The following DUSP10 variants were observed in gnomAD, a reference collection of about 807,000 sequenced individuals.
The protein encoded by DUSP10 is dual specificity protein phosphatase 10.
DUSP10 carries 14 observed loss-of-function variants against 30.8 expected under a neutral mutation model. The ratio of observed to expected loss-of-function variants is 0.46; its 90% CI spans 0.30 to 0.71. The LOEUF is 0.71. Among genes scored for constraint, DUSP10 ranks in the 30% least tolerant of loss-of-function variants. DUSP10 has a pLI of 0.08. For missense variants in DUSP10, 550 were observed against 619.4 expected (o/e 0.89, Z 1.19); for synonymous variants, 254 against 250.4 (o/e 1.01, Z -0.14).
In DUSP10 at chr1:221,706,366, C is replaced by G. The variant is rs373881838; in HGVS notation, c.912G>C (p.Ser304=). ...TGGGGATGGGCTGAGGTAGCAAGCT[C>G]GAGGCCGCGGATGCGCCGCCCCCCA... The part of the protein sequence containing the change: ...REVGGGASAA[S]SLLPQPIPTT... The change falls in exon 3 of 4, where the codon TCG becomes TCC. Residue 304 remains serine, a synonymous_variant. Coordinates refer to ENST00000366899, the MANE Select transcript of DUSP10 (RefSeq NM_007207.6). This position sits in a 1 kb window ranked among gnomAD's most constrained non-coding sequence, Gnocchi z 4.6. 2 of 1,598,864 alleles carry G rather than the reference C, an allele frequency of 1.3e-6. No individual in the cohort carries two copies. The highest frequency in any genetic ancestry group is 1.7e-6 in the Non-Finnish European group (2 of 1,169,756).
intron 2 of DUSP10, among the ~76,000 whole-genome samples, chr1:221,733,562 C>A (rs577965086): frequency 1.4e-4 from 22 of 152,340 alleles, no homozygotes; most frequent in Admixed American, 8.5e-4. Flanking sequence ...CTCCCCAATA[C>A]CCCTGCCCCT....
Position 221,702,704 on chromosome 1 carries a change from TGAAG to T in DUSP10, c.1184-31_1184-28del. ...TGAAAAAAGGGAGAAAGACAAGAGATGAAGGGAAGATGGAAGAGAGAGGCACGGA... is the reference window on the plus strand; with the variant it reads ...TGAAAAAAGGGAGAAAGACAAGAGATGGAAGATGGAAGAGAGAGGCACGGA... On this transcript the variant is annotated intron_variant, in intron 3 of 3. Coordinates refer to ENST00000366899, the MANE Select transcript of DUSP10 (RefSeq NM_007207.6). The surrounding 1 kb of genome is among the most constrained non-coding windows in gnomAD (Gnocchi z 4.5). The T allele has an allele frequency of 6.2e-7, 1 of 1,609,878 alleles. No individual in the cohort carries two copies. The highest frequency in any genetic ancestry group is 8.5e-7 in the Non-Finnish European group (1 of 1,176,966).
At chr1:221,737,288 G>C in intron 2 of DUSP10, 4 of 985,364 alleles carry the variant, frequency 4.1e-6, no homozygotes, top group Non-Finnish European at 4.8e-6. Context: ...GAGAAAAGAG[G>C]AGATCATCAT....
intron 2 of DUSP10, chr1:221,737,139 T>C (rs969020586): frequency 2.3e-5 from 23 of 985,364 alleles, no homozygotes; most frequent in Non-Finnish European, 2.8e-5. Context: ...CACTGCAAAA[T>C]AGAGAGTAGG....
intron 2 of DUSP10, among the ~76,000 whole-genome samples, chr1:221,714,256 T>G (rs537440775): frequency 1.3e-5 from 2 of 152,308 alleles, no homozygotes; most frequent in African/African-American, 4.8e-5. Flanking sequence ...AGAAATTACT[T>G]AGGCAGATAG....
chr1:221,707,524 G>T (rs1660802851), intron 2 of DUSP10, among the ~76,000 whole-genome samples: 1 of 152,090 alleles, frequency 6.6e-6, no homozygotes, highest in Non-Finnish European at 1.5e-5. Context: ...CTTATAAACT[G>T]TGCTTATTTC....
chr1:221,736,983 A>T, intron 2 of DUSP10: 1 of 985,418 alleles, frequency 1.0e-6, no homozygotes, highest in Non-Finnish European at 1.2e-6. Flanking sequence ...AGGCAATCTT[A>T]CTCTGACACT....
At chr1:221,724,962 C>A (rs533360948) in intron 2 of DUSP10, among the ~76,000 whole-genome samples, 1 of 152,302 alleles carries the variant, frequency 6.6e-6, no homozygotes, top group South Asian at 2.1e-4. Context: ...AATCAAGTAG[C>A]CACGACAATA....
At chr1:221,738,822 T>G (rs1661856964) in intron 2 of DUSP10, 112 bp downstream of exon 2, 1 of 1,325,656 alleles carries the variant, frequency 7.5e-7, no homozygotes, top group Admixed American at 2.3e-5. Context: ...AAGAATAAAG[T>G]CTATTTTGGT....
At chr1:221,703,551 C>T (rs1558114709) in intron 3 of DUSP10, among the ~76,000 whole-genome samples, 1 of 152,176 alleles carries the variant, frequency 6.6e-6, no homozygotes. Context: ...CATTCAATCC[C>T]GTTTGCTTCC....
chr1:221,721,276 A>C (rs1179415471), intron 2 of DUSP10, among the ~76,000 whole-genome samples: 1 of 152,384 alleles, frequency 6.6e-6, no homozygotes, highest in Admixed American at 6.5e-5. Flanking sequence ...AGCATCTATT[A>C]TATGCTGTTC....
intron 2 of DUSP10, chr1:221,737,372 T>C (rs1160750396): frequency 1.0e-6 from 1 of 985,290 alleles, no homozygotes; most frequent in Non-Finnish European, 1.2e-6. Flanking sequence ...TAGGATTTTC[T>C]CATTTGTAAG....
intron 2 of DUSP10, among the ~76,000 whole-genome samples, chr1:221,734,865 C>A (rs1010266550): frequency 6.6e-6 from 1 of 152,024 alleles, no homozygotes; most frequent in Non-Finnish European, 1.5e-5. Context: ...TTTTAAAATC[C>A]TCATAACATC....
At chr1:221,740,349 C>G (rs897223404) in intron 1 of DUSP10, among the ~76,000 whole-genome samples, 2 of 152,220 alleles carry the variant, frequency 1.3e-5, no homozygotes, top group African/African-American at 4.8e-5. Flanking sequence ...AAGTGAATCT[C>G]TTTAACTTGG....
chr1:221,739,088 C>T lies in DUSP10; in HGVS notation c.657G>A (p.Arg219=). 1.2e-6 allele frequency: 2 copies of T among 1,614,154 alleles called. No homozygotes were observed. Among genetic ancestry groups the T allele is most frequent in the Non-Finnish European group, 1.7e-6 (2 of 1,180,028 alleles). ...KITVLDLISC[R]EGKDSFKRIF... ...TCCTCTTGAAAGAGTCCTTGCCTTC[C>T]CTACAGGAAATCAAGTCTAGGACAG... The change falls in exon 2 of 4, where the codon AGG becomes AGA. Residue 219 remains arginine, a synonymous_variant. Transcript: ENST00000366899.
At chr1:221,718,607 C>A (rs1273096244) in intron 2 of DUSP10, among the ~76,000 whole-genome samples, 1 of 152,218 alleles carries the variant, frequency 6.6e-6, no homozygotes, top group African/African-American at 2.4e-5. Context: ...TAAAAACATT[C>A]TTGCCTTTCA....
chr1:221,739,332 G>T lies in DUSP10; in HGVS notation c.413C>A (p.Ser138Ter). The change falls in exon 2 of 4, where the codon TCA (serine) becomes TAA (stop). Residue 138 changes from serine (S) to a stop codon, truncating the protein, a stop_gained. Coordinates refer to ENST00000366899, the MANE Select transcript of DUSP10 (RefSeq NM_007207.6). LOFTEE classifies it high-confidence loss of function. ...SPSSGVGSPV[S>*]GTPKQLASIK... ...GCTGGCTAGCTGCTTGGGGGTCCCT[G>T]ACACAGGGCTGCCCACCCCACTTGA... 1 of 1,614,088 alleles carries T rather than the reference G, an allele frequency of 6.2e-7. No individual in the cohort carries two copies. Among genetic ancestry groups the T allele is most frequent in the Non-Finnish European group, 8.5e-7 (1 of 1,179,974 alleles).
At chr1:221,720,835 T>C (rs1358325713) in intron 2 of DUSP10, among the ~76,000 whole-genome samples, 1 of 152,230 alleles carries the variant, frequency 6.6e-6, no homozygotes, top group Non-Finnish European at 1.5e-5. Context: ...ATCTCTTTTA[T>C]CATATCATGA....
chr1:221,727,129 G>A (rs1661445852), intron 2 of DUSP10, among the ~76,000 whole-genome samples: 3 of 152,158 alleles, frequency 2.0e-5, no homozygotes, highest in Non-Finnish European at 2.9e-5. Flanking sequence ...AAACTCAGCA[G>A]CCTGGTTCCA....
Sources: gnomAD v4.1 joint callset for allele counts (sites outside exome capture counted in the v4.1 genomes callset) on GRCh38, gnomAD v4.1.1 for gene constraint, Gnocchi (gnomAD v3.1) non-coding constraint, MANE v1.5 for transcripts, NCBI Gene and HGNC (gene_info 2026-07-23, HGNC 2026-07-21) for gene names.